Variants in CASZ1 observed in about 807,000 individuals in gnomAD.
CASZ1 encodes zinc finger protein castor homolog 1.
CASZ1 carries 28 observed loss-of-function variants against 135.2 expected under a neutral mutation model. The observed-to-expected ratio is 0.21, with a 90% confidence interval of 0.15 to 0.28. The LOEUF (loss-of-function observed/expected upper bound fraction) is 0.28, where lower values mean the gene tolerates loss of function less well. Ranked by LOEUF, CASZ1 falls within the 10% of genes least tolerant of loss-of-function variation. CASZ1 has a pLI of 1.00. For missense variants in CASZ1, 2,161 were observed against 2,453.3 expected, an observed-to-expected ratio of 0.88 and a Z score of 2.52; for synonymous variants, 1,068 against 1,073.4, an observed-to-expected ratio of 0.99 and a Z score of 0.10.
intron 2 of CASZ1, among the ~76,000 whole-genome samples, chr1:10,745,285 C>A (rs1439706605): frequency 1.3e-5 from 2 of 152,122 alleles, no homozygotes; most frequent in Non-Finnish European, 2.9e-5. Flanking sequence ...CTCAGGGAAC[C>A]CCAGGCAGCC....
chr1:10,759,377 C>A lies in CASZ1; in HGVS notation c.-77+1324G>T, dbSNP rs569190491. Among the ~76,000 whole-genome samples the A allele has an allele frequency of 6.6e-6, 1 of 152,308 alleles. No individual in the cohort carries two copies. The highest frequency in any genetic ancestry group is 2.4e-5 in the African/African-American group (1 of 41,546). ...CCCACGGCCTTTTCCAGGTGACAGT[C>A]TAAACAGCCCCGGTGCTATCCAGGG... On this transcript the variant is annotated intron_variant, in intron 2 of 20. Coordinates refer to ENST00000377022, the MANE Select transcript of CASZ1 (RefSeq NM_001079843.3). The surrounding 1 kb of genome is among the most constrained non-coding windows in gnomAD (Gnocchi z 4.2).
At chr1:10,685,645 C>T (rs1638562192) in intron 4 of CASZ1, among the ~76,000 whole-genome samples, 1 of 152,238 alleles carries the variant, frequency 6.6e-6, no homozygotes, top group South Asian at 2.1e-4. Flanking sequence ...GCTGTTTTCT[C>T]TCTGAGCCAC....
At chr1:10,761,380 A>T (rs560509411) in intron 1 of CASZ1, among the ~76,000 whole-genome samples, 1 of 152,324 alleles carries the variant, frequency 6.6e-6, no homozygotes, top group East Asian at 1.9e-4. Flanking sequence ...AGGAATCAAC[A>T]GGTGTCTCTG....
rs1216846966 is a variant in CASZ1 at position 10,727,038 on chromosome 1, G to T, written c.-76-21494C>A. 1.3e-5 allele frequency among the ~76,000 whole-genome samples: 2 copies of T among 152,138 alleles called. No homozygotes were observed. Among genetic ancestry groups the T allele is most frequent in the Non-Finnish European group, 2.9e-5 (2 of 68,032 alleles). On this transcript the variant is annotated intron_variant, in intron 2 of 20. Transcript: ENST00000377022. This position sits in a 1 kb window ranked among gnomAD's most constrained non-coding sequence, Gnocchi z 5.3. ...CAAGGTTTTCACTTTACCCACTCTG[G>T]AAGAGAACACAGCCTGTGAGTGAGG...
chr1:10,796,160 T>G (rs1305932037), intron 1 of CASZ1, among the ~76,000 whole-genome samples: 1 of 151,528 alleles, frequency 6.6e-6, no homozygotes. Context: ...CCACCCTATT[T>G]GCAAAGTCCT....
At chr1:10,789,928 C>T (rs1640925517) in intron 1 of CASZ1, among the ~76,000 whole-genome samples, 1 of 152,068 alleles carries the variant, frequency 6.6e-6, no homozygotes, top group Non-Finnish European at 1.5e-5. Context: ...GCTTTTTTTC[C>T]CCAAGCTGTG....
Position 10,699,882 on chromosome 1 carries a change from A to G in CASZ1, c.-24+5610T>C, listed in dbSNP as rs1035844018. 1.3e-5 allele frequency among the ~76,000 whole-genome samples: 2 copies of G among 152,006 alleles called. No individual in the cohort carries two copies. The highest frequency in any genetic ancestry group is 2.9e-5 in the Non-Finnish European group (2 of 67,992). On this transcript the variant is annotated intron_variant, in intron 3 of 20. Coordinates refer to ENST00000377022, the MANE Select transcript of CASZ1 (RefSeq NM_001079843.3). The surrounding 1 kb of genome is among the most constrained non-coding windows in gnomAD (Gnocchi z 4.6). The stretch of plus-strand genomic sequence containing the variant: ...TGTGGCCACAAAAACTTTAAAAAAA[A>G]GTTTTGGGGTGGAAACGTGGAGTGT...
intron 1 of CASZ1, among the ~76,000 whole-genome samples, chr1:10,778,502 TC>T (rs1236117080): frequency 4.0e-5 from 6 of 151,712 alleles, no homozygotes; most frequent in Admixed American, 1.3e-4. Context: ...TCAAACACAG[TC>T]ACTCACACAA....
Position 10,653,484 on chromosome 1 carries a change from G to A in CASZ1, c.2573C>T (p.Pro858Leu). 2 of 1,612,990 alleles carry A rather than the reference G, an allele frequency of 1.2e-6. No homozygotes were observed. The highest frequency in any genetic ancestry group is 1.1e-5 in the South Asian group (1 of 91,066). Residue 858 changes from proline (P) to leucine (L), a missense_variant, in exon 11 of 21, where the codon CCA becomes CTA. Physicochemically the swap from Pro to Leu is moderately conservative, Grantham distance 98. Transcript: ENST00000377022. The stretch of plus-strand genomic sequence containing the variant: ...GATCCTCTCCATGATGGAGGCGGGT[G>A]GTGCCGGGACAGAGGCGGCAGCCAC... ...APVAAASVPAPPASIMERISA... is the reference protein window; with the variant it reads ...APVAAASVPALPASIMERISA...
chr1:10,703,656 C>A (rs2100438842), intron 3 of CASZ1, among the ~76,000 whole-genome samples: 1 of 152,248 alleles, frequency 6.6e-6, no homozygotes, highest in South Asian at 2.1e-4. Context: ...GGAGCCCACC[C>A]TTCTCCATAG....
chr1:10,663,831 C>A (rs1643133901), intron 5 of CASZ1, among the ~76,000 whole-genome samples: 1 of 152,218 alleles, frequency 6.6e-6, no homozygotes, highest in Non-Finnish European at 1.5e-5. Flanking sequence ...CAGTTCCAGG[C>A]CCGCCTCTGC....
At chr1:10,743,741 C>T (rs1371900830) in intron 2 of CASZ1, among the ~76,000 whole-genome samples, 1 of 151,396 alleles carries the variant, frequency 6.6e-6, no homozygotes, top group African/African-American at 2.4e-5. Flanking sequence ...TTGTGCCCCT[C>T]TCCAGCCTTG....
chr1:10,648,528 C>T (rs547837664), intron 15 of CASZ1: 13 of 220,594 alleles, frequency 5.9e-5, no homozygotes, highest in Admixed American at 4.5e-4. Context: ...AGGGTGCCTA[C>T]GCGGTCGGAA....
In CASZ1 at chr1:10,666,196, C is replaced by G. The variant is rs1167837060; in HGVS notation, c.17-625G>C. Among the ~76,000 whole-genome samples, 5 of 152,128 alleles carry G rather than the reference C, an allele frequency of 3.3e-5. No individual in the cohort carries two copies. Among genetic ancestry groups the G allele is most frequent in the African/African-American group, 1.2e-4 (5 of 41,418 alleles). ...TCCTCTGCCAGGCCAGGTCCCTGGG[C>G]CCTACCTGACTCCAACCCTGCTCAG... On this transcript the variant is annotated intron_variant, in intron 4 of 20. Coordinates refer to ENST00000377022, the MANE Select transcript of CASZ1 (RefSeq NM_001079843.3). The surrounding 1 kb of genome is among the most constrained non-coding windows in gnomAD (Gnocchi z 5.2).
rs116998605 is a variant in CASZ1 at position 10,720,316 on chromosome 1, C to T, written c.-76-14772G>A. Reference sequence around the variant, plus strand: ...TCATTGTGATCATTGTCATCATCATCGCCATCGCTAAACACTTCTCTAACC... The same window carrying T: ...TCATTGTGATCATTGTCATCATCATTGCCATCGCTAAACACTTCTCTAACC... On this transcript the variant is annotated intron_variant, in intron 2 of 20. Transcript: ENST00000377022. The surrounding 1 kb of genome is among the most constrained non-coding windows in gnomAD (Gnocchi z 5.7). Among the ~76,000 whole-genome samples the T allele has an allele frequency of 6.1e-4, 93 of 152,298 alleles. 1 individual carries two copies. In the East Asian group the frequency reaches 0.016, roughly 26 times the overall value.
intron 9 of CASZ1, among the ~76,000 whole-genome samples, 156 bp from the exon 10 acceptor site, chr1:10,654,747 G>A (rs1399375858): frequency 2.0e-5 from 3 of 152,214 alleles, no homozygotes; most frequent in Admixed American, 2.0e-4. Flanking sequence ...GTTGATGTAG[G>A]AAGCAGAGTA....
At position 10,647,597 on chromosome 1, in the gene CASZ1, G is replaced by C. The variant is rs1015151540; in HGVS notation, c.3497+204C>G. Reference sequence around the variant, plus strand: ...CACTGCCGCCACCATCGGCCCACGCGGGCTGGCCTGCTCTGGGACAGGCAG... The same window carrying C: ...CACTGCCGCCACCATCGGCCCACGCCGGCTGGCCTGCTCTGGGACAGGCAG... On this transcript the variant is annotated intron_variant, in intron 16 of 20. Transcript: ENST00000377022. The surrounding 1 kb of genome is among the most constrained non-coding windows in gnomAD (Gnocchi z 4.9). 2 of 1,433,930 alleles carry C rather than the reference G, an allele frequency of 1.4e-6. No homozygotes were observed. Among genetic ancestry groups the C allele is most frequent in the Non-Finnish European group, 1.8e-6 (2 of 1,097,412 alleles). The allele number at this position is 1,433,930 out of a possible 1,614,324, so 88.8% of individuals were successfully genotyped here.
At chr1:10,740,203 T>C (rs1428699015) in intron 2 of CASZ1, among the ~76,000 whole-genome samples, 2 of 152,180 alleles carry the variant, frequency 1.3e-5, no homozygotes, top group Non-Finnish European at 2.9e-5. Flanking sequence ...ACTTGCCCAA[T>C]GTCTCACAGT....
chr1:10,656,823 C>T (rs143303227), intron 7 of CASZ1, 87 bp from the exon 8 acceptor site: 8,997 of 855,212 alleles, frequency 0.011, 87 homozygotes, highest in Middle Eastern at 0.02. Flanking sequence ...GAGGACTCTT[C>T]GGGCCCTGTA....
Sources: gnomAD v4.1 joint callset for allele counts (sites outside exome capture counted in the v4.1 genomes callset) on GRCh38, gnomAD v4.1.1 for gene constraint, Gnocchi (gnomAD v3.1) non-coding constraint, MANE v1.5 for transcripts, NCBI Gene and HGNC (gene_info 2026-07-23, HGNC 2026-07-21) for gene names.